Variants in GNB1 observed in about 807,000 individuals in gnomAD.
GNB1 encodes the protein G protein subunit beta 1.
GNB1 carries 2 observed loss-of-function variants against 42.9 expected under a neutral mutation model. That is an observed-to-expected ratio of 0.05 (90% confidence interval 0.02 to 0.15). The LOEUF is 0.15. GNB1 is among the 10% of genes least tolerant of loss of function. The pLI is 1.00. For missense variants in GNB1, 193 were observed against 462.2 expected, an observed-to-expected ratio of 0.42 and a Z score of 5.34; for synonymous variants, 183 against 174.7, an observed-to-expected ratio of 1.05 and a Z score of -0.38.
intron 2 of GNB1, among the ~76,000 whole-genome samples, chr1:1,831,399 T>A (rs979116135): frequency 3.2e-4 from 49 of 152,130 alleles, no homozygotes; most frequent in African/African-American, 1.2e-3. Flanking sequence ...AGTAATAATT[T>A]GGGAAAACGC....
intron 3 of GNB1, among the ~76,000 whole-genome samples, chr1:1,820,337 A>G (rs11260615): frequency 0.43 from 61,844 of 144,876 alleles, 13,594 homozygotes; most frequent in Middle Eastern, 0.51. Flanking sequence ...CAGCCCGGGC[A>G]ACAGAGCGAG....
intron 1 of GNB1, among the ~76,000 whole-genome samples, chr1:1,874,287 G>A (rs957175398): frequency 4.6e-5 from 7 of 152,278 alleles, no homozygotes; most frequent in African/African-American, 1.4e-4. Context: ...TGGTCAACAT[G>A]GCAAAACCCT....
At chr1:1,852,234 TCA>T (rs1232517203) in intron 1 of GNB1, among the ~76,000 whole-genome samples, 1 of 151,682 alleles carries the variant, frequency 6.6e-6, no homozygotes, top group Non-Finnish European at 1.5e-5. Flanking sequence ...ATCCTGCCTC[TCA>T]AATTTTTTTT....
At chr1:1,823,548 G>A (rs934405028) in intron 3 of GNB1, among the ~76,000 whole-genome samples, 14 of 152,072 alleles carry the variant, frequency 9.2e-5, no homozygotes, top group Non-Finnish European at 1.8e-4. Flanking sequence ...TAATTTTGGT[G>A]GAGGGGACAT....
In GNB1 at chr1:1,848,614, C is replaced by T. The variant is rs1198679552; in HGVS notation, c.-95-9376G>A. On this transcript the variant is annotated intron_variant, in intron 1 of 11. Coordinates refer to ENST00000378609, the MANE Select transcript of GNB1 (RefSeq NM_002074.5). ...ACATTTTTCTCTCCCTTATGATTTT[C>T]TTAATATTTTCTCTAGCTTGATCAC... Among the ~76,000 whole-genome samples the T allele has an allele frequency of 3.3e-5, 5 of 152,066 alleles. No individual in the cohort carries two copies. In the South Asian group the frequency reaches 1.0e-3, roughly 32 times the overall value.
chr1:1,848,672 T>G (rs578001857), intron 1 of GNB1, among the ~76,000 whole-genome samples: 1 of 152,224 alleles, frequency 6.6e-6, no homozygotes, highest in Non-Finnish European at 1.5e-5. Flanking sequence ...ATAAAAACTG[T>G]CTTTTGACTG....
intron 1 of GNB1, among the ~76,000 whole-genome samples, chr1:1,874,691 T>A (rs1218383209): frequency 6.7e-6 from 1 of 149,166 alleles, no homozygotes; most frequent in African/African-American, 2.5e-5. Flanking sequence ...CTTGGGAGAC[T>A]GAGACAGGAG....
chr1:1,859,534 C>A (rs1442930000), intron 1 of GNB1, among the ~76,000 whole-genome samples: 1 of 152,024 alleles, frequency 6.6e-6, no homozygotes, highest in East Asian at 1.9e-4. Flanking sequence ...GTATCGTGGC[C>A]TAAAGGCATT....
intron 1 of GNB1, among the ~76,000 whole-genome samples, chr1:1,848,321 G>A (rs1647785477): frequency 7.0e-6 from 1 of 142,522 alleles, no homozygotes; most frequent in Non-Finnish European, 1.5e-5. Flanking sequence ...GGAGGCTGCA[G>A]TGAGCCAAGA....
chr1:1,829,827 C>T (rs935360520), intron 2 of GNB1, among the ~76,000 whole-genome samples: 18 of 152,108 alleles, frequency 1.2e-4, no homozygotes, highest in Admixed American at 1.2e-3. Context: ...CAACCTCCGC[C>T]TCCCGATTTC....
At chr1:1,845,824 T>TACACACACAG (rs1647622186) in intron 1 of GNB1, among the ~76,000 whole-genome samples, 1 of 140,280 alleles carries the variant, frequency 7.1e-6, no homozygotes, top group Non-Finnish European at 1.5e-5. Context: ...TGTAAGTCCA[T>TACACACACAG]ACACACACAC....
At chr1:1,832,167 G>C (rs1304929376) in intron 2 of GNB1, 1 of 151,904 alleles carries the variant, frequency 6.6e-6, no homozygotes, top group Admixed American at 6.6e-5. Context: ...TCTACTAAAC[G>C]TAATATTGAT....
At chr1:1,796,593 G>A (rs546764163) in intron 7 of GNB1, among the ~76,000 whole-genome samples, 1 of 152,172 alleles carries the variant, frequency 6.6e-6, no homozygotes, top group Admixed American at 6.5e-5. Context: ...GGGTATGTGT[G>A]GGGGGACACT....
rs755759467 is a variant in GNB1 at position 1,790,644 on chromosome 1, G to A, written c.498-48C>T. 1 of 1,336,634 alleles carries A rather than the reference G, an allele frequency of 7.5e-7. No individual in the cohort carries two copies. The highest frequency in any genetic ancestry group is 1.1e-6 in the Non-Finnish European group (1 of 934,298). The allele number at this position is 1,336,634 out of a possible 1,614,324, so 82.8% of individuals were successfully genotyped here. ...GGGGACATCAGCCTTAACTTCTTGG[G>A]TGGCTAGTCATGTGACAGACAATCT... On this transcript the variant is annotated intron_variant, in intron 8 of 11. Transcript: ENST00000378609. This position sits in a 1 kb window ranked among gnomAD's most constrained non-coding sequence, Gnocchi z 5.4.
intron 1 of GNB1, among the ~76,000 whole-genome samples, chr1:1,883,024 C>T (rs915566743): frequency 6.6e-6 from 1 of 151,908 alleles, no homozygotes; most frequent in Non-Finnish European, 1.5e-5. Flanking sequence ...GTTACTGTGG[C>T]TCACATCTAT....
intron 1 of GNB1, among the ~76,000 whole-genome samples, chr1:1,887,279 A>C (rs542720589): frequency 6.6e-6 from 1 of 152,356 alleles, no homozygotes; most frequent in Admixed American, 6.5e-5. Flanking sequence ...TTCTAAAATA[A>C]TACCAATGTT....
At chr1:1,868,341 A>G (rs1287716226) in intron 1 of GNB1, among the ~76,000 whole-genome samples, 1 of 151,896 alleles carries the variant, frequency 6.6e-6, no homozygotes, top group African/African-American at 2.4e-5. Context: ...ACATCCAACT[A>G]ATTTTTGTAT....
In GNB1 at chr1:1,804,361, T is replaced by C. The variant is rs555844493; in HGVS notation, c.430+58A>G. 1.5e-4 allele frequency: 167 copies of C among 1,147,468 alleles called. No homozygotes were observed. In the African/African-American group the frequency reaches 2.3e-3, roughly 16 times the overall value. The allele number at this position is 1,147,468 out of a possible 1,614,324, so 71.1% of individuals were successfully genotyped here. A position where few individuals can be genotyped will look rare whatever the true frequency, so the allele number is the denominator to read the frequency against. On this transcript the variant is annotated intron_variant, in intron 7 of 11. Coordinates refer to ENST00000378609, the MANE Select transcript of GNB1 (RefSeq NM_002074.5). The stretch of plus-strand genomic sequence containing the variant: ...ATAAAAAGTGAGTATCCAAAGCATA[T>C]AATGTACCCCAGGTAAACAGCTTGT...
chr1:1,814,817 A>AG (rs1262256096), intron 5 of GNB1, among the ~76,000 whole-genome samples: 10 of 149,844 alleles, frequency 6.7e-5, no homozygotes, highest in East Asian at 2.0e-4. Context: ...AAAAAAAAAA[A>AG]AAAGAAAAAA....
Sources: gnomAD v4.1 joint callset for allele counts (sites outside exome capture counted in the v4.1 genomes callset) on GRCh38, gnomAD v4.1.1 for gene constraint, Gnocchi (gnomAD v3.1) non-coding constraint, MANE v1.5 for transcripts, NCBI Gene and HGNC (gene_info 2026-07-23, HGNC 2026-07-21) for gene names.